EFCAB3: variants seen among roughly 807,000 people sequenced by gnomAD.
EFCAB3 encodes EF-hand calcium-binding domain-containing protein 3.
Under a neutral mutation model 42.2 loss-of-function variants are expected in EFCAB3, and 36 were observed. The ratio of observed to expected loss-of-function variants is 0.85; its 90% CI spans 0.65 to 1.13. EFCAB3 has a LOEUF of 1.13. Among genes scored for constraint, EFCAB3 ranks in the 50% most tolerant of loss-of-function variants. The pLI, the probability that EFCAB3 is intolerant of heterozygous loss-of-function variation, is 0.00. For synonymous variants in EFCAB3, 170 were observed against 172.8 expected, an observed-to-expected ratio of 0.98 and a Z score of 0.13; for missense variants, 418 against 505.1, an observed-to-expected ratio of 0.83 and a Z score of 1.65.
chr17:62,412,811 A>C (rs2070511195), intron 8 of EFCAB3, among the ~76,000 whole-genome samples: 1 of 152,178 alleles, frequency 6.6e-6, no homozygotes, highest in African/African-American at 2.4e-5. Context: ...ATATTAACAG[A>C]CAGACCCAAG....
chr17:62,376,598 A>G (rs1045503217), upstream of EFCAB3, among the ~76,000 whole-genome samples: 11 of 152,216 alleles, frequency 7.2e-5, no homozygotes, highest in Non-Finnish European at 1.5e-4. Context: ...CAGATGACAG[A>G]CATAGGCATA....
Position 62,406,461 on chromosome 17 carries a change from A to G in EFCAB3, c.489-19A>G, listed in dbSNP as rs776105537. ...TATGTCTCTTTGTATCCATTTCTGA[A>G]TTACTTTTTTTTTTAAAGCTATTTC... On this transcript the variant is annotated intron_variant, in intron 6 of 9. Coordinates refer to ENST00000305286, the MANE Select transcript of EFCAB3 (RefSeq NM_173503.4). 3.8e-6 allele frequency: 6 copies of G among 1,558,496 alleles called. No individual in the cohort carries two copies. Among genetic ancestry groups the G allele is most frequent in the Non-Finnish European group, 5.2e-6 (6 of 1,151,780 alleles).
chr17:62,379,350 G>A (rs2144052445), upstream of EFCAB3, among the ~76,000 whole-genome samples: 1 of 150,606 alleles, frequency 6.6e-6, no homozygotes, highest in Middle Eastern at 3.4e-3. Flanking sequence ...AGCCTGGGAG[G>A]TCGAGACTGT....
upstream of EFCAB3, among the ~76,000 whole-genome samples, chr17:62,380,225 C>T (rs760722976): frequency 2.0e-5 from 3 of 152,198 alleles, no homozygotes; most frequent in African/African-American, 7.2e-5. Flanking sequence ...TGGTTTCAAA[C>T]TCCTGACCTC....
At chr17:62,413,102 G>A (rs2070513846) in intron 8 of EFCAB3, among the ~76,000 whole-genome samples, 1 of 152,078 alleles carries the variant, frequency 6.6e-6, no homozygotes, top group Admixed American at 6.5e-5. Flanking sequence ...TGATACAAAA[G>A]TCAAATGCAT....
intron 3 of EFCAB3, among the ~76,000 whole-genome samples, chr17:62,391,486 A>C (rs1031951410): frequency 6.6e-6 from 1 of 152,100 alleles, no homozygotes; most frequent in African/African-American, 2.4e-5. Context: ...TCACGTAATT[A>C]GATTGAGCCC....
Position 62,391,906 on chromosome 17 carries a change from T to C in EFCAB3, c.236T>C (p.Leu79Pro). 6.2e-7 allele frequency: 1 copy of C among 1,613,606 alleles called. No homozygotes were observed. The highest frequency in any genetic ancestry group is 1.3e-5 in the African/African-American group (1 of 74,910). ...FHGLMCTVAK[L>P]GMNLTKHDVY... ...GGACTGATGTGCACTGTAGCTAAGC[T>C]GGGAATGAATCTGACCAAGCATGAT... Residue 79 changes from leucine to proline, a missense_variant, in exon 4 of 10, where the codon CTG becomes CCG. Physicochemically the swap from Leu to Pro is moderately conservative, Grantham distance 98. Coordinates refer to ENST00000305286, the MANE Select transcript of EFCAB3 (RefSeq NM_173503.4).
intron 6 of EFCAB3, 119 bp downstream of exon 6, chr17:62,395,307 A>C: frequency 2.3e-6 from 3 of 1,315,074 alleles, no homozygotes. Flanking sequence ...ACTAAGGAGA[A>C]GAAGGTATCT....
At chr17:62,409,434 C>A (rs1246794288) in intron 8 of EFCAB3, among the ~76,000 whole-genome samples, 1 of 152,078 alleles carries the variant, frequency 6.6e-6, no homozygotes, top group African/African-American at 2.4e-5. Flanking sequence ...GATTAGGAGG[C>A]TGAGGGAAGA....
At chr17:62,374,237 GA>G (rs1394206348) in intron 2 of EFCAB3, among the ~76,000 whole-genome samples, 2 of 152,168 alleles carry the variant, frequency 1.3e-5, no homozygotes, top group Non-Finnish European at 2.9e-5. Flanking sequence ...AAGGCGGGTG[GA>G]TCACCTGAGG....
At chr17:62,409,432 G>A (rs2144111408) in intron 8 of EFCAB3, among the ~76,000 whole-genome samples, 1 of 152,276 alleles carries the variant, frequency 6.6e-6, no homozygotes, top group South Asian at 2.1e-4. Flanking sequence ...CTGATTAGGA[G>A]GCTGAGGGAA....
At chr17:62,412,303 G>A (rs1332608755) in intron 8 of EFCAB3, among the ~76,000 whole-genome samples, 3 of 145,584 alleles carry the variant, frequency 2.1e-5, no homozygotes, top group Non-Finnish European at 4.5e-5. Flanking sequence ...TTGAACCCGG[G>A]AGGCAAAGGT....
At chr17:62,409,215 C>T (rs981683856) in intron 8 of EFCAB3, among the ~76,000 whole-genome samples, 42 of 152,036 alleles carry the variant, frequency 2.8e-4, no homozygotes, top group African/African-American at 9.7e-4. Flanking sequence ...CGCCACCACA[C>T]CTGGCTAATT....
intron 1 of EFCAB3, among the ~76,000 whole-genome samples, chr17:62,371,472 C>T (rs545480771): frequency 6.6e-6 from 1 of 152,116 alleles, no homozygotes; most frequent in East Asian, 1.9e-4. Context: ...GCAGGAGAAT[C>T]ACTTGAACCC....
In EFCAB3 at chr17:62,373,389, G is replaced by A. The variant is rs567466568; in HGVS notation, c.35-425G>A. Among the ~76,000 whole-genome samples the A allele has an allele frequency of 2.6e-5, 4 of 152,016 alleles. No homozygotes were observed. In the South Asian group the frequency reaches 8.3e-4, roughly 32 times the overall value. ...ACACTTTGGGAGGCCAAGGCGTGAG[G>A]ATCACTTGAGGCCAAGAGTTCAAGA... On this transcript the variant is annotated intron_variant, in intron 1 of 11. Coordinates refer to the EFCAB3 transcript ENST00000450662.
intron 3 of EFCAB3, among the ~76,000 whole-genome samples, chr17:62,391,504 T>G (rs1309785274): frequency 6.6e-6 from 1 of 152,146 alleles, no homozygotes; most frequent in Non-Finnish European, 1.5e-5. Flanking sequence ...CCCAGAATAA[T>G]CTATCTTAAT....
At chr17:62,394,312 T>A (rs1567724217) in intron 5 of EFCAB3, among the ~76,000 whole-genome samples, 3 of 151,982 alleles carry the variant, frequency 2.0e-5, no homozygotes, top group South Asian at 2.1e-4. Context: ...TCCTTTTATT[T>A]AAAAAAAATT....
chr17:62,388,079 G>C (rs373500907), intron 3 of EFCAB3, among the ~76,000 whole-genome samples: 1 of 151,944 alleles, frequency 6.6e-6, no homozygotes, highest in African/African-American at 2.4e-5. Flanking sequence ...GCGTGGTGGC[G>C]GGCACCTGTA....
At chr17:62,382,399 ATCACT>A (rs1411552783) in intron 1 of EFCAB3, among the ~76,000 whole-genome samples, 1 of 152,120 alleles carries the variant, frequency 6.6e-6, no homozygotes, top group Non-Finnish European at 1.5e-5. Flanking sequence ...TAACATATTC[ATCACT>A]TCACTTAGTT....
Sources: gnomAD v4.1 joint callset for allele counts (sites outside exome capture counted in the v4.1 genomes callset) on GRCh38, gnomAD v4.1.1 for gene constraint, MANE v1.5 for transcripts, NCBI Gene and HGNC (gene_info 2026-07-23, HGNC 2026-07-21) for gene names.